Variants in PTER observed in about 807,000 individuals in gnomAD.
PTER encodes the protein phosphotriesterase related.
PTER carries 38 observed loss-of-function variants against 29.6 expected under a neutral mutation model. That is an observed-to-expected ratio of 1.28 (90% confidence interval 0.99 to 1.68). The LOEUF is 1.68. PTER is among the 40% of genes most tolerant of loss of function. PTER has a pLI of 0.00. For synonymous variants in PTER, 172 were observed against 154.5 expected (o/e 1.11, Z -0.84); for missense variants, 482 against 427.8 (o/e 1.13, Z -1.12).
Position 16,512,674 on chromosome 10 carries a change from A to C in PTER, c.*1418A>C, listed in dbSNP as rs79047457. 1 of 152,136 alleles carries C rather than the reference A, an allele frequency of 6.6e-6. No individual in the cohort carries two copies. The highest frequency in any genetic ancestry group is 6.5e-5 in the Admixed American group (1 of 15,280). The allele number at this position is 152,136 out of a possible 1,614,324, so 9.4% of individuals were successfully genotyped here. On this transcript the variant is annotated 3_prime_UTR_variant, in exon 5 of 5. Coordinates refer to ENST00000535784, the MANE Select transcript of PTER (RefSeq NM_001261836.2). Reference sequence around the variant, plus strand: ...TTTCTGTGTATTGGAACAGAAAGTAACAAAGAGGAATGAGCCAGGAGAACA... The same window carrying C: ...TTTCTGTGTATTGGAACAGAAAGTACCAAAGAGGAATGAGCCAGGAGAACA...
At chr10:16,450,529 C>T (rs1834167242) in intron 1 of PTER, among the ~76,000 whole-genome samples, 1 of 152,208 alleles carries the variant, frequency 6.6e-6, no homozygotes, top group Non-Finnish European at 1.5e-5. Context: ...CCATTCTTTT[C>T]CAGTCAATGC....
At chr10:16,491,735 C>T (rs1043336815) in intron 3 of PTER, among the ~76,000 whole-genome samples, 8 of 152,114 alleles carry the variant, frequency 5.3e-5, no homozygotes, top group Non-Finnish European at 1.0e-4. Context: ...CTTCATAGCC[C>T]CCTCCAGAAT....
chr10:16,491,920 A>G (rs1365119966), intron 3 of PTER, among the ~76,000 whole-genome samples: 1 of 151,846 alleles, frequency 6.6e-6, no homozygotes, highest in Non-Finnish European at 1.5e-5. Flanking sequence ...CTTCATTAGG[A>G]TTCATGCATT....
chr10:16,478,307 T>A (rs939843821), intron 1 of PTER, among the ~76,000 whole-genome samples: 9 of 150,704 alleles, frequency 6.0e-5, no homozygotes, highest in Non-Finnish European at 8.8e-5. Context: ...GTTTTCTTCC[T>A]CCCTCTCCCT....
At chr10:16,468,375 T>G (rs1049017702) in intron 1 of PTER, among the ~76,000 whole-genome samples, 1 of 23,904 alleles carries the variant, frequency 4.2e-5, no homozygotes, top group Non-Finnish European at 6.8e-5. Flanking sequence ...TGTTTAGCTC[T>G]TTTTTTTTTT....
rs188896670 is a variant in PTER, at chr10:16,440,586, T to C, written c.-49+3539T>C. Among the ~76,000 whole-genome samples the C allele has an allele frequency of 2.5e-3, 385 of 152,326 alleles. 3 individuals carry two copies. The highest frequency in any genetic ancestry group is 8.6e-3 in the African/African-American group (356 of 41,568). ...TTCCCTGTCTCCTTCCAGGCAGGTA[T>C]GTCCACGTGACTTGTTTGGCTAACG... is the stretch of plus-strand genomic sequence containing the variant. On this transcript the variant is annotated intron_variant, in intron 1 of 4. Transcript: ENST00000535784.
chr10:16,452,224 T>C lies in PTER; in HGVS notation c.-49+15177T>C, dbSNP rs370940430. ...ACACACACACACACACACACACATA[T>C]ATATACATATACATATATATAATAT... On this transcript the variant is annotated intron_variant, in intron 1 of 4. Coordinates refer to ENST00000535784, the MANE Select transcript of PTER (RefSeq NM_001261836.2). Among the ~76,000 whole-genome samples the C allele has an allele frequency of 6.4e-3, 439 of 68,964 alleles. 17 individuals carry two copies. The East Asian group carries it at 0.18, about 28-fold the overall frequency. The allele number at this position is 68,964 out of a possible 152,430, so 45.2% of individuals were successfully genotyped here. A position where few individuals can be genotyped will look rare whatever the true frequency, so the allele number is the denominator to read the frequency against.
At chr10:16,459,212 C>A (rs182929287) in intron 1 of PTER, among the ~76,000 whole-genome samples, 6 of 152,230 alleles carry the variant, frequency 3.9e-5, no homozygotes, top group Admixed American at 3.9e-4. Flanking sequence ...ATTTCTTATC[C>A]AAGAGATTCC....
chr10:16,458,167 C>T (rs1440060152), intron 1 of PTER, among the ~76,000 whole-genome samples: 1 of 151,918 alleles, frequency 6.6e-6, no homozygotes, highest in African/African-American at 2.4e-5. Flanking sequence ...TGTAGGAAGA[C>T]CTGACTGCAA....
At chr10:16,466,570 G>T (rs1453911818) in intron 1 of PTER, among the ~76,000 whole-genome samples, 1 of 152,152 alleles carries the variant, frequency 6.6e-6, no homozygotes, top group Non-Finnish European at 1.5e-5. Context: ...TGGCCAGGCT[G>T]GTCTCAAACT....
In PTER at chr10:16,486,525, T is replaced by C; in HGVS notation, c.606T>C (p.Pro202=). 6.2e-7 allele frequency: 1 copy of C among 1,614,066 alleles called. No homozygotes were observed. Among genetic ancestry groups the C allele is most frequent in the South Asian group, 1.1e-5 (1 of 91,076 alleles). Residue 202 remains proline (P), a synonymous_variant, in exon 3 of 5, where the codon CCT becomes CCC. Coordinates refer to ENST00000535784, the MANE Select transcript of PTER (RefSeq NM_001261836.2). ...AQLGCPVIIH[P]GRSSRAPFQI... ...TTGGTTGTCCTGTTATTATCCATCC[T>C]GGACGGAGCTCCAGGGCACCATTTC...
intron 1 of PTER, among the ~76,000 whole-genome samples, chr10:16,457,650 A>C (rs552033387): frequency 5.3e-5 from 8 of 152,122 alleles, no homozygotes; most frequent in African/African-American, 1.7e-4. Context: ...CCCAGGCTGG[A>C]GTGCAGTGGC....
chr10:16,463,779 G>T (rs1834710936), intron 1 of PTER, among the ~76,000 whole-genome samples: 1 of 152,158 alleles, frequency 6.6e-6, no homozygotes, highest in African/African-American at 2.4e-5. Context: ...GACGCCCAAA[G>T]GAGAAATCTC....
chr10:16,497,184 C>T (rs1414422291), intron 3 of PTER, among the ~76,000 whole-genome samples: 1 of 152,136 alleles, frequency 6.6e-6, no homozygotes, highest in Non-Finnish European at 1.5e-5. Context: ...ATCCACTCGA[C>T]TTGGCCTCCC....
Position 16,486,351 on chromosome 10 carries a change from G to C in PTER, c.433-1G>C. 3 of 1,611,830 alleles carry C rather than the reference G, an allele frequency of 1.9e-6. No individual in the cohort carries two copies. The highest frequency in any genetic ancestry group is 2.5e-6 in the Non-Finnish European group (3 of 1,178,400). On this transcript the variant is annotated splice_acceptor_variant, in intron 2 of 4. Coordinates refer to ENST00000535784, the MANE Select transcript of PTER (RefSeq NM_001261836.2). LOFTEE classifies it high-confidence loss of function. ...ATATATTCCTTCTCACTCTTCCTTA[G>C]CTTACCGATGTCCTTATGAATGAAA...
chr10:16,491,562 C>T (rs1835899068), intron 3 of PTER, among the ~76,000 whole-genome samples: 1 of 152,080 alleles, frequency 6.6e-6, no homozygotes, highest in Non-Finnish European at 1.5e-5. Flanking sequence ...AGAAGCCTCA[C>T]GAAACAGACC....
chr10:16,477,214 T>C (rs1835301445), intron 1 of PTER, among the ~76,000 whole-genome samples: 1 of 152,118 alleles, frequency 6.6e-6, no homozygotes, highest in African/African-American at 2.4e-5. Flanking sequence ...TAGAGTTTTC[T>C]TTTAAACTTT....
chr10:16,489,949 T>C (rs919541761), intron 3 of PTER, among the ~76,000 whole-genome samples: 12 of 152,172 alleles, frequency 7.9e-5, no homozygotes, highest in Non-Finnish European at 1.5e-5. Context: ...CAACTTACCT[T>C]CCTTTCACTA....
chr10:16,476,615 G>C (rs1325158850), intron 1 of PTER, among the ~76,000 whole-genome samples: 1 of 151,982 alleles, frequency 6.6e-6, no homozygotes, highest in Non-Finnish European at 1.5e-5. Context: ...GGCCAGGTTG[G>C]AGTGCAGTGG....
Sources: allele counts gnomAD v4.1 joint callset (sites outside exome capture counted in the v4.1 genomes callset), GRCh38; gene constraint gnomAD v4.1.1; transcripts MANE v1.5; gene names NCBI Gene and HGNC (gene_info 2026-07-23, HGNC 2026-07-21).